ACSF3: variants seen among roughly 807,000 people sequenced by gnomAD.
The protein encoded by ACSF3 is acyl-CoA synthetase family member 3.
Under a neutral mutation model 53.2 loss-of-function variants are expected in ACSF3, and 78 were observed. The observed-to-expected ratio is 1.47, with a 90% CI of 1.22 to 1.77. The LOEUF (loss-of-function observed/expected upper bound fraction) is 1.77, where lower values mean the gene tolerates loss of function less well. Among genes scored for constraint, ACSF3 ranks in the 40% most tolerant of loss-of-function variants. The probability of loss-of-function intolerance (pLI) is 0.00; values close to 1 mark genes in which losing one functional copy is unlikely to be tolerated. For missense variants in ACSF3, 937 were observed against 771.1 expected (o/e 1.22, Z -2.55); for synonymous variants, 414 against 333.1 (o/e 1.24, Z -2.65).
chr16:89,096,553 G>C (rs1019432861), intron 1 of ACSF3, among the ~76,000 whole-genome samples: 1 of 152,224 alleles, frequency 6.6e-6, no homozygotes. Context: ...GGACTGAAAA[G>C]CTGGTTTGAT....
intron 8 of ACSF3, among the ~76,000 whole-genome samples, chr16:89,135,052 G>A (rs921315489): frequency 1.3e-5 from 2 of 151,276 alleles, no homozygotes; most frequent in African/African-American, 2.4e-5. Flanking sequence ...GTGAGATTGC[G>A]GTGGTTTTTC....
intron 8 of ACSF3, among the ~76,000 whole-genome samples, chr16:89,143,159 C>G (rs1232067246): frequency 1.3e-5 from 2 of 152,200 alleles, no homozygotes; most frequent in Non-Finnish European, 2.9e-5. Context: ...TTTCTCCCAG[C>G]ATCAGCCTGG....
At chr16:89,129,003 A>T (rs539771998) in intron 7 of ACSF3, among the ~76,000 whole-genome samples, 21 of 152,060 alleles carry the variant, frequency 1.4e-4, no homozygotes, top group Admixed American at 1.4e-3. Flanking sequence ...ATGGTGTTAC[A>T]TGCCTTTGGT....
At chr16:89,124,070 CACACATGCCTAGTGTGCGCATGGGTATCA>C (rs1907352064) in intron 7 of ACSF3, among the ~76,000 whole-genome samples, 2 of 3,610 alleles carry the variant, frequency 5.5e-4, no homozygotes, top group African/African-American at 1.1e-3. Context: ...ACGGGTATCA[CACACATGCCTAGTGTGCGCATGGGTATCA>C]CACACATGCC....
At chr16:89,107,433 T>G (rs190351456) in intron 4 of ACSF3, among the ~76,000 whole-genome samples, 1 of 152,092 alleles carries the variant, frequency 6.6e-6, no homozygotes, top group South Asian at 2.1e-4. Flanking sequence ...GCTACACGCG[T>G]GCTCTCCCCG....
At chr16:89,151,735 T>C (rs1914115189) in intron 10 of ACSF3, 1 of 158,738 alleles carries the variant, frequency 6.3e-6, no homozygotes, top group Non-Finnish European at 1.4e-5. Context: ...GCCTCCTGAG[T>C]AGCTGGGATT....
At chr16:89,136,655 C>T (rs940715609) in intron 8 of ACSF3, 18 of 1,287,110 alleles carry the variant, frequency 1.4e-5, no homozygotes, top group East Asian at 1.1e-4. Flanking sequence ...AGCTCCCCAA[C>T]GGCCTCCTCC....
intron 7 of ACSF3, among the ~76,000 whole-genome samples, chr16:89,127,014 G>T (rs1908262111): frequency 1.3e-5 from 2 of 152,094 alleles, no homozygotes; most frequent in South Asian, 4.2e-4. Flanking sequence ...TCTTTATTAG[G>T]CTGTTAATAT....
Position 89,101,087 on chromosome 16 carries a change from T to C in ACSF3, c.406T>C (p.Tyr136His). 1 of 1,613,718 alleles carries C rather than the reference T, an allele frequency of 6.2e-7. No individual in the cohort carries two copies. The highest frequency in any genetic ancestry group is 1.3e-5 in the African/African-American group (1 of 74,918). Reference protein sequence around the residue: ...YRKHPAAQLEYVICDSQSSVV... With the variant: ...YRKHPAAQLEHVICDSQSSVV... Reference sequence around the variant, plus strand: ...GAAGCATCCCGCGGCCCAGCTGGAGTATGTCATCTGCGACTCCCAGAGCTC... The same window carrying C: ...GAAGCATCCCGCGGCCCAGCTGGAGCATGTCATCTGCGACTCCCAGAGCTC... The change falls in exon 3 of 11, where the codon TAT becomes CAT. Residue 136 changes from tyrosine (Y) to histidine (H), a missense_variant. Tyr to His is a moderately conservative substitution (Grantham distance 83). Transcript: ENST00000614302.
At chr16:89,107,978 C>A (rs1976214289) in intron 4 of ACSF3, among the ~76,000 whole-genome samples, 1 of 152,166 alleles carries the variant, frequency 6.6e-6, no homozygotes, top group Admixed American at 6.5e-5. Context: ...GCTGGGGAGG[C>A]CTCAGAATCA....
At chr16:89,133,399 C>A in intron 8 of ACSF3, 137 bp downstream of exon 8, 1 of 1,205,854 alleles carries the variant, frequency 8.3e-7, no homozygotes, top group Non-Finnish European at 1.2e-6. Context: ...TGGAGTGGGG[C>A]TGGGGGCCAC....
intron 6 of ACSF3, among the ~76,000 whole-genome samples, chr16:89,116,867 C>T (rs1325303204): frequency 1.3e-5 from 2 of 152,178 alleles, no homozygotes; most frequent in South Asian, 2.1e-4. Context: ...CGCATCTCCA[C>T]GATGGCTGCG....
chr16:89,104,230 G>A (rs1238822120), intron 4 of ACSF3, among the ~76,000 whole-genome samples: 1 of 152,156 alleles, frequency 6.6e-6, no homozygotes, highest in Non-Finnish European at 1.5e-5. Flanking sequence ...TTATTCACAG[G>A]AAAAAAAGTT....
chr16:89,139,175 T>G (rs1911234199), intron 8 of ACSF3, among the ~76,000 whole-genome samples: 1 of 152,190 alleles, frequency 6.6e-6, no homozygotes, highest in African/African-American at 2.4e-5. Flanking sequence ...TTTTTCCTCT[T>G]TCTTTGTTTT....
intron 1 of ACSF3, among the ~76,000 whole-genome samples, chr16:89,095,714 C>A (rs1428729743): frequency 6.6e-6 from 1 of 152,214 alleles, no homozygotes; most frequent in Non-Finnish European, 1.5e-5. Flanking sequence ...ATTTTTGTTG[C>A]GAGGCTCCAT....
At chr16:89,106,110 G>A (rs554467047) in intron 4 of ACSF3, among the ~76,000 whole-genome samples, 2 of 152,202 alleles carry the variant, frequency 1.3e-5, no homozygotes, top group Non-Finnish European at 2.9e-5. Flanking sequence ...AGGGATTTCT[G>A]CTCCGAGAGT....
chr16:89,115,320 T>C (rs1284497653), intron 6 of ACSF3: 1 of 152,420 alleles, frequency 6.6e-6, no homozygotes, highest in Non-Finnish European at 1.5e-5. Flanking sequence ...TTCCTAGTGC[T>C]CAGCACCTCC....
chr16:89,146,045 GC>G lies in ACSF3; in HGVS notation c.1611del (p.Arg538GlufsTer134). 1 of 694,598 alleles carries G rather than the reference GC, an allele frequency of 1.4e-6. No homozygotes were observed. The highest frequency in any genetic ancestry group is 2.5e-6 in the Non-Finnish European group (1 of 401,640). The allele number at this position is 694,598 out of a possible 1,614,324, so 43.0% of individuals were successfully genotyped here. A position where few individuals can be genotyped will look rare whatever the true frequency, so the allele number is the denominator to read the frequency against. On this transcript the variant is annotated frameshift_variant, in exon 10 of 11. Transcript: ENST00000614302. LOFTEE classifies it high-confidence loss of function. Reference sequence around the variant, plus strand: ...GTCCCACAGGGAGCTCAAAGAGTGGGCCAGGTAGGGCTGGGTGGGGCGGGCA... The same window carrying G: ...GTCCCACAGGGAGCTCAAAGAGTGGGCAGGTAGGGCTGGGTGGGGCGGGCA... Reference protein sequence around the residue: ...SLSHRELKEWARNVLAPYAVP... With the variant: ...SLSHRELKEWXRNVLAPYAVP...
At chr16:89,147,886 A>C (rs991957277) in intron 10 of ACSF3, 1 of 152,270 alleles carries the variant, frequency 6.6e-6, no homozygotes, top group African/African-American at 2.4e-5. Flanking sequence ...TCCACAGTCC[A>C]AAGTCTCGTC....
Sources: allele counts gnomAD v4.1 joint callset (sites outside exome capture counted in the v4.1 genomes callset), GRCh38; gene constraint gnomAD v4.1.1; transcripts MANE v1.5; gene names NCBI Gene and HGNC (gene_info 2026-07-23, HGNC 2026-07-21).